BORA: variants seen among roughly 807,000 people sequenced by gnomAD.
BORA encodes the protein BORA aurora kinase A activator, also known as protein aurora borealis.
In BORA, 26 loss-of-function variants were observed where a neutral mutation model predicts 55.8. That is an observed-to-expected ratio of 0.47 (90% CI 0.34 to 0.65). The LOEUF is 0.65. Among genes scored for constraint, BORA ranks in the 30% least tolerant of loss-of-function variants. BORA has a pLI of 0.01. For missense variants in BORA, 568 were observed against 671.5 expected (o/e 0.85, Z 1.70); for synonymous variants, 201 against 216.9 (o/e 0.93, Z 0.64).
At chr13:72,738,073 A>C (rs747067736) in intron 5 of BORA, 30 bp downstream of exon 5, 1 of 1,517,862 alleles carries the variant, frequency 6.6e-7, no homozygotes, top group Non-Finnish European at 9.0e-7. Flanking sequence ...TATGAATAAA[A>C]ATCAAAAAAG....
At chr13:72,737,343 C>T (rs1483966043) in intron 4 of BORA, among the ~76,000 whole-genome samples, 1 of 152,142 alleles carries the variant, frequency 6.6e-6, no homozygotes, top group Non-Finnish European at 1.5e-5. Context: ...AGAATAGTGG[C>T]ACACCATTAT....
At chr13:72,745,310 T>C (rs1216468054) in intron 8 of BORA, 103 bp downstream of exon 8, 1 of 974,766 alleles carries the variant, frequency 1.0e-6, no homozygotes, top group Non-Finnish European at 1.5e-6. Flanking sequence ...AAGCCATGGT[T>C]GCTTTCTGTC....
At chr13:72,728,146 C>A in intron 1 of BORA, 139 bp downstream of exon 1, 1 of 1,219,746 alleles carries the variant, frequency 8.2e-7, no homozygotes, top group Non-Finnish European at 1.2e-6. Flanking sequence ...AGAGGGGCAC[C>A]AGAAAGAGTG....
chr13:72,744,962 C>G lies in BORA; in HGVS notation c.512-19C>G. 4 of 1,602,578 alleles carry G rather than the reference C, an allele frequency of 2.5e-6. No individual in the cohort carries two copies. In the Middle Eastern group the frequency reaches 6.6e-4, roughly 266 times the overall value. On this transcript the variant is annotated intron_variant, in intron 7 of 11. Transcript: ENST00000390667. The stretch of plus-strand genomic sequence containing the variant: ...TTTAAAATGACTAGCTTTGCCTTTT[C>G]TCCTATTATTAAATATAGGTGACTA...
chr13:72,749,437 T>C (rs956930328), intron 10 of BORA, among the ~76,000 whole-genome samples: 2 of 152,154 alleles, frequency 1.3e-5, no homozygotes, highest in African/African-American at 4.8e-5. Flanking sequence ...TTGAATAATA[T>C]CTTAGATTTC....
Position 72,746,858 on chromosome 13 carries a change from A to G in BORA, c.1229A>G (p.Gln410Arg). The change falls in exon 10 of 12, where the codon CAG (glutamine) becomes CGG (arginine). Residue 410 changes from glutamine to arginine, a missense_variant. Gln to Arg is a conservative substitution (Grantham distance 43, BLOSUM62 1). Transcript: ENST00000390667. ...VVTAMSVTQN[Q>R]SSASEKELAL... ...ACTGCCATGTCTGTTACACAAAATC[A>G]GTCCAGTGCTTCTGAGAAAGAATTA... is the stretch of plus-strand genomic sequence containing the variant. The G allele has an allele frequency of 6.8e-6, 11 of 1,614,196 alleles. No homozygotes were observed. Among genetic ancestry groups the G allele is most frequent in the Non-Finnish European group, 9.3e-6 (11 of 1,180,018 alleles).
intron 2 of BORA, among the ~76,000 whole-genome samples, chr13:72,730,844 A>C (rs975243465): frequency 3.4e-5 from 5 of 148,166 alleles, no homozygotes; most frequent in African/African-American, 1.2e-4. Flanking sequence ...TGAAGTCAGG[A>C]GTTTGAGACC....
chr13:72,755,165 A>AC lies in BORA; in HGVS notation c.1630dup (p.Gln544ProfsTer61), dbSNP rs757520782. 1.2e-6 allele frequency: 2 copies of AC among 1,613,886 alleles called. No individual in the cohort carries two copies. The highest frequency in any genetic ancestry group is 2.2e-5 in the South Asian group (2 of 91,084). On this transcript the variant is annotated frameshift_variant, in exon 12 of 12. Transcript: ENST00000390667. LOFTEE classifies it high-confidence loss of function. Reference sequence around the variant, plus strand: ...CTTTTTCACAGCAAGACCACACAACACAGAGGTGTTGGATGAAAACAGCAA... The same window carrying AC: ...CTTTTTCACAGCAAGACCACACAACACCAGAGGTGTTGGATGAAAACAGCAA...
At chr13:72,745,894 G>C (rs761124573) in intron 8 of BORA, 50 bp from the exon 9 acceptor site, 1 of 1,510,118 alleles carries the variant, frequency 6.6e-7, no homozygotes, top group Non-Finnish European at 9.0e-7. Context: ...CAGCATAAGA[G>C]TTAAGGAAGA....
chr13:72,741,061 CTAT>C (rs1162385193), intron 5 of BORA, among the ~76,000 whole-genome samples: 6 of 152,194 alleles, frequency 3.9e-5, no homozygotes, highest in African/African-American at 1.2e-4. Flanking sequence ...GTAGCATTTA[CTAT>C]TATTAATATT....
chr13:72,728,037 T>C (rs1185275965), intron 1 of BORA, 30 bp downstream of exon 1: 4 of 1,550,470 alleles, frequency 2.6e-6, no homozygotes, highest in Non-Finnish European at 3.5e-6. Context: ...TCCCTGGCCT[T>C]TCCTCCTGTC....
Position 72,745,186 on chromosome 13 carries a change from C to T in BORA, c.717C>T (p.Ser239=), listed in dbSNP as rs1267258429. Residue 239 remains serine (S), a synonymous_variant, in exon 8 of 12, where the codon AGC becomes AGT. Transcript: ENST00000390667. The stretch of plus-strand genomic sequence containing the variant: ...ATTTGTCTCCTGTAAAGTGTAGGAG[C>T]CCCTTGCAGACACCAAGTTCGGTGA... ...SIDLSPVKCR[S]PLQTPSSGQF... is the part of the protein sequence containing the mutation. 13 of 1,613,674 alleles carry T rather than the reference C, an allele frequency of 8.1e-6. No homozygotes were observed. Among genetic ancestry groups the T allele is most frequent in the Non-Finnish European group, 1.1e-5 (13 of 1,179,638 alleles).
At position 72,755,626 on chromosome 13, in the gene BORA, C is replaced by T. The variant is rs1246371594; in HGVS notation, c.*410C>T. On this transcript the variant is annotated 3_prime_UTR_variant, in exon 12 of 12. Transcript: ENST00000390667. ...ATTTTTACATAAAAGCTTGAACATA[C>T]AGATGAATTATAACCTATGTGAAGA... The T allele has an allele frequency of 8.2e-6, 3 of 365,632 alleles. No homozygotes were observed. The highest frequency in any genetic ancestry group is 1.5e-5 in the Non-Finnish European group (3 of 206,612). The allele number at this position is 365,632 out of a possible 1,614,324, so 22.6% of individuals were successfully genotyped here. A position where few individuals can be genotyped will look rare whatever the true frequency, so the allele number is the denominator to read the frequency against.
At position 72,738,029 on chromosome 13, in the gene BORA, G is replaced by A. The variant is rs144554318; in HGVS notation, c.374G>A (p.Cys125Tyr). Residue 125 changes from cysteine (C) to tyrosine (Y), a missense_variant, in exon 5 of 12, where the codon TGT becomes TAT. By Grantham distance (194) the Cys-to-Tyr change is radical. Transcript: ENST00000390667. Reference protein sequence around the residue: ...TDHEGKQLSQCHSSKCTNINS... With the variant: ...TDHEGKQLSQYHSSKCTNINS... ...CATGAAGGGAAACAGCTTTCACAAT[G>A]TCATTCCAGTAAATGTGAGTGTACT... is the stretch of plus-strand genomic sequence containing the variant. 30 of 1,593,972 alleles carry A rather than the reference G, an allele frequency of 1.9e-5. No homozygotes were observed. The African/African-American group carries it at 3.8e-4, about 20-fold the overall frequency.
rs374535680 is a variant in BORA, at chr13:72,746,603, C to T, written c.974C>T (p.Ser325Leu). The T allele has an allele frequency of 2.1e-5, 34 of 1,613,914 alleles. No individual in the cohort carries two copies. The highest frequency in any genetic ancestry group is 4.0e-5 in the African/African-American group (3 of 74,908). ...CIRSPYIDGC[S>L]PIKNWSPMRL... ...AGAAGTCCTTATATAGATGGCTGCTCGCCAATTAAAAATTGGTCTCCTATG... is the reference window on the plus strand; with the variant it reads ...AGAAGTCCTTATATAGATGGCTGCTTGCCAATTAAAAATTGGTCTCCTATG... Residue 325 changes from serine (S) to leucine (L), a missense_variant, in exon 10 of 12, where the codon TCG (serine) becomes TTG (leucine). Physicochemically the swap from Ser to Leu is moderately radical, Grantham distance 145 (BLOSUM62 -2). Coordinates refer to ENST00000390667, the MANE Select transcript of BORA (RefSeq NM_024808.5).
intron 10 of BORA, among the ~76,000 whole-genome samples, chr13:72,750,039 G>A (rs576759156): frequency 6.6e-5 from 10 of 152,242 alleles, no homozygotes; most frequent in South Asian, 2.1e-4. Flanking sequence ...GAACGAATAC[G>A]TAGGTTAAGT....
chr13:72,743,545 A>G lies in BORA; in HGVS notation c.397A>G (p.Ile133Val), dbSNP rs755726759. The G allele has an allele frequency of 1.9e-6, 3 of 1,609,882 alleles. No homozygotes were observed. Among genetic ancestry groups the G allele is most frequent in the Admixed American group, 1.7e-5 (1 of 59,802 alleles). Residue 133 changes from isoleucine (I) to valine (V), a missense_variant, in exon 6 of 12, where the codon ATA becomes GTA. Ile to Val is a conservative substitution (Grantham distance 29). Coordinates refer to ENST00000390667, the MANE Select transcript of BORA (RefSeq NM_024808.5). ...CTTAAAATGTCTTACAGGCACTAAC[A>G]TAAATAGTGACTCTCCAGTTGGAAA... is the stretch of plus-strand genomic sequence containing the variant. ...SQCHSSKCTN[I>V]NSDSPVGKKL... is the part of the protein sequence containing the mutation.
intron 10 of BORA, among the ~76,000 whole-genome samples, chr13:72,748,011 T>C (rs1186235148): frequency 2.0e-5 from 3 of 152,208 alleles, no homozygotes; most frequent in South Asian, 2.1e-4. Flanking sequence ...ATTTGTTCCA[T>C]TCATTGTTGT....
chr13:72,751,578 G>C (rs528883319), intron 10 of BORA, among the ~76,000 whole-genome samples: 32 of 152,336 alleles, frequency 2.1e-4, no homozygotes, highest in African/African-American at 7.7e-4. Context: ...GTGGTAGGTA[G>C]TAGAGGATGG....
Sources: allele counts gnomAD v4.1 joint callset (sites outside exome capture counted in the v4.1 genomes callset), GRCh38; gene constraint gnomAD v4.1.1; transcripts MANE v1.5; gene names NCBI Gene and HGNC (gene_info 2026-07-23, HGNC 2026-07-21).